Variants in GTF3C3 observed in about 807,000 individuals in gnomAD.
GTF3C3 encodes the protein general transcription factor IIIC subunit 3.
A neutral mutation model predicts 105.2 loss-of-function variants in GTF3C3; 75 were observed. The observed-to-expected ratio is 0.71, with a 90% confidence interval of 0.59 to 0.86. The LOEUF is 0.86. Among genes scored for constraint, GTF3C3 ranks in the 40% least tolerant of loss-of-function variants. The probability of loss-of-function intolerance (pLI) is 0.00; values close to 1 mark genes in which losing one functional copy is unlikely to be tolerated. For missense variants in GTF3C3, 856 were observed against 1,076.5 expected, an observed-to-expected ratio of 0.80 and a Z score of 2.87; for synonymous variants, 335 against 370.4, an observed-to-expected ratio of 0.90 and a Z score of 1.10.
chr2:196,794,416 C>T (rs1355710423), intron 2 of GTF3C3, among the ~76,000 whole-genome samples: 3 of 151,868 alleles, frequency 2.0e-5, no homozygotes, highest in African/African-American at 4.8e-5. Context: ...ATGTTTATAT[C>T]TCTCTATATA....
chr2:196,791,590 C>G lies in GTF3C3; in HGVS notation c.412-130G>C. On this transcript the variant is annotated intron_variant, in intron 3 of 17. Transcript: ENST00000263956. ...TTTAAAAATTTTCAGTTTTTGCAAC[C>G]CAGAACTAAATAGTTGCAATTCTAA... 8.5e-6 allele frequency: 6 copies of G among 704,854 alleles called. No individual in the cohort carries two copies. In the South Asian group the frequency reaches 1.3e-4, roughly 16 times the overall value. The allele number at this position is 704,854 out of a possible 1,614,324, so 43.7% of individuals were successfully genotyped here. A position where few individuals can be genotyped will look rare whatever the true frequency, so the allele number is the denominator to read the frequency against.
chr2:196,780,519 T>A, intron 9 of GTF3C3, 40 bp downstream of exon 9: 2 of 1,588,128 alleles, frequency 1.3e-6, no homozygotes, highest in South Asian at 2.3e-5. Context: ...AGATGGTGCA[T>A]TTGATCTGAA....
intron 8 of GTF3C3, 149 bp from the exon 9 acceptor site, chr2:196,780,811 T>G: frequency 1.1e-6 from 1 of 887,126 alleles, no homozygotes; most frequent in African/African-American, 1.7e-5. Flanking sequence ...CTTATATCTC[T>G]CTCAGTCTGT....
chr2:196,773,678 G>C, intron 13 of GTF3C3: 1 of 432,768 alleles, frequency 2.3e-6, no homozygotes, highest in South Asian at 1.7e-5. Flanking sequence ...CCATAATGTA[G>C]AATCAGTGGG....
rs764235900 is a variant in GTF3C3, at chr2:196,778,921, A to C, written c.1365T>G (p.Leu455=). Residue 455 remains leucine, a synonymous_variant, in exon 10 of 18, where the codon CTT becomes CTG. Transcript: ENST00000263956. The stretch of plus-strand genomic sequence containing the variant: ...CTGCATGACGAAGCCAAACTACTGC[A>C]AGGTTGTATCTTTCAGAGCAAACAA... The part of the protein sequence containing the change: ...SALVCSERYN[L]AVVWLRHAEC... 1.2e-6 allele frequency: 2 copies of C among 1,614,126 alleles called. No individual in the cohort carries two copies. The highest frequency in any genetic ancestry group is 3.3e-4 in the Middle Eastern group (2 of 6,060).
intron 16 of GTF3C3, among the ~76,000 whole-genome samples, chr2:196,768,928 C>CT (rs1381577973): frequency 1.3e-5 from 2 of 152,138 alleles, no homozygotes; most frequent in African/African-American, 4.8e-5. Flanking sequence ...TACTTACTCA[C>CT]TGCTACGTCC....
intron 6 of GTF3C3, among the ~76,000 whole-genome samples, chr2:196,788,681 G>A (rs540354443): frequency 7.0e-4 from 106 of 152,228 alleles, no homozygotes; most frequent in Non-Finnish European, 1.1e-3. Flanking sequence ...TTAAGCCTCT[G>A]AGCACTTGAA....
rs763780307 is a variant in GTF3C3 at position 196,766,524 on chromosome 2, C to CAGAT, written c.2538+37_2538+40dup. 14 of 1,514,642 alleles carry CAGAT rather than the reference C, an allele frequency of 9.2e-6. No homozygotes were observed. In the African/African-American group the frequency reaches 1.9e-4, roughly 21 times the overall value. The allele number at this position is 1,514,642 out of a possible 1,614,324, so 93.8% of individuals were successfully genotyped here. On this transcript the variant is annotated intron_variant, in intron 17 of 17. Coordinates refer to ENST00000263956, the MANE Select transcript of GTF3C3 (RefSeq NM_012086.5). ...TTAGCTAACTGCCCTTATCTACAGA[C>CAGAT]AGATGAAATGAAGTGTCTCAGTTTT...
Position 196,785,579 on chromosome 2 carries a change from A to G in GTF3C3, c.903T>C (p.Tyr301=), listed in dbSNP as rs377314306. The G allele has an allele frequency of 6.3e-7, 1 of 1,598,804 alleles. No individual in the cohort carries two copies. The highest frequency in any genetic ancestry group is 1.1e-5 in the South Asian group (1 of 88,492). ...TAGCAGAAGTAACATCATTGGCTTC[A>G]TAGTAACTCCTAAAAAAAAGTGGCA... ...QLARDMAKSY[Y]EANDVTSAIN... The change falls in exon 7 of 18, where the codon TAT becomes TAC. Residue 301 remains tyrosine (Y), a synonymous_variant. Transcript: ENST00000263956.
chr2:196,780,449 G>A lies in GTF3C3; in HGVS notation c.1218+110C>T, dbSNP rs1377382552. ...TTTGATGCTTATTGTTACCTCCTTG[G>A]TTATTAAGAAATGTGAAACTCTAGG... On this transcript the variant is annotated intron_variant, in intron 9 of 17. Transcript: ENST00000263956. 2.9e-6 allele frequency: 4 copies of A among 1,371,836 alleles called. No individual in the cohort carries two copies. In the African/African-American group the frequency reaches 4.3e-5, roughly 15 times the overall value. 85.0% of individuals were successfully genotyped at this position (1,371,836 alleles called of 1,614,324 possible).
At chr2:196,765,191 T>A (rs1373083854) in intron 17 of GTF3C3, among the ~76,000 whole-genome samples, 1 of 152,130 alleles carries the variant, frequency 6.6e-6, no homozygotes, top group African/African-American at 2.4e-5. Context: ...ATACAACAAA[T>A]TGACTCCAAT....
intron 15 of GTF3C3, among the ~76,000 whole-genome samples, chr2:196,771,192 A>C (rs1411527759): frequency 6.6e-6 from 1 of 152,182 alleles, no homozygotes; most frequent in Non-Finnish European, 1.5e-5. Context: ...TCCTTATTAT[A>C]AATGATTAAT....
intron 15 of GTF3C3, among the ~76,000 whole-genome samples, chr2:196,771,033 T>C (rs963724823): frequency 3.3e-5 from 5 of 152,118 alleles, no homozygotes; most frequent in Admixed American, 1.3e-4. Flanking sequence ...ACACCACCTT[T>C]TAGGTAGTAA....
Position 196,793,100 on chromosome 2 carries a change from C to A in GTF3C3, c.267G>T (p.Met89Ile). The change falls in exon 3 of 18, where the codon ATG becomes ATT. Residue 89 changes from methionine to isoleucine, a missense_variant. Transcript: ENST00000263956. Reference sequence around the variant, plus strand: ...CCTCATCATCTTCATTCTCTCCAAGCATGGAAGCAAAGACCTTGTGAACTG... The same window carrying A: ...CCTCATCATCTTCATTCTCTCCAAGAATGGAAGCAAAGACCTTGTGAACTG... ...RKSVHKVFAS[M>I]LGENEDDEEE... The A allele has an allele frequency of 6.2e-7, 1 of 1,613,848 alleles. No individual in the cohort carries two copies. Among genetic ancestry groups the A allele is most frequent in the South Asian group, 1.1e-5 (1 of 91,064 alleles).
rs772134432 is a variant in GTF3C3, at chr2:196,766,557, C to T, written c.2538+8G>A. On this transcript the variant is annotated splice_region_variant and intron_variant, in intron 17 of 17. Coordinates refer to ENST00000263956, the MANE Select transcript of GTF3C3 (RefSeq NM_012086.5). ...ATGAAGTGTCTCAGTTTTAAAAATG[C>T]ACAATACCTCTACCACAAGTGGAGG... 18 of 1,596,808 alleles carry T rather than the reference C, an allele frequency of 1.1e-5. No homozygotes were observed. Among genetic ancestry groups the T allele is most frequent in the Non-Finnish European group, 1.5e-5 (17 of 1,170,140 alleles).
intron 15 of GTF3C3, 136 bp downstream of exon 15, chr2:196,771,612 C>T (rs1699177402): frequency 1.7e-6 from 1 of 604,124 alleles, no homozygotes; most frequent in African/African-American, 1.8e-5. Flanking sequence ...TTTTAGAGAT[C>T]AAGAAACTGA....
Position 196,764,516 on chromosome 2 carries a change from G to T in GTF3C3, c.*47C>A. 6.4e-7 allele frequency: 1 copy of T among 1,553,498 alleles called. No individual in the cohort carries two copies. The highest frequency in any genetic ancestry group is 8.8e-7 in the Non-Finnish European group (1 of 1,141,256). On this transcript the variant is annotated 3_prime_UTR_variant, in exon 18 of 18. Transcript: ENST00000263956. ...AATAAGCCCTGAGACAGAAGACACT[G>T]GTCCTCACACAGCAGCTGCCATTGC...
chr2:196,768,347 AAG>A (rs1169517224), intron 16 of GTF3C3, among the ~76,000 whole-genome samples: 1 of 152,208 alleles, frequency 6.6e-6, no homozygotes, highest in Non-Finnish European at 1.5e-5. Context: ...TTGAAAAGAA[AAG>A]AGTTCTTTTG....
intron 12 of GTF3C3, among the ~76,000 whole-genome samples, chr2:196,775,604 C>CG (rs1699247336): frequency 2.0e-5 from 3 of 152,178 alleles, no homozygotes; most frequent in African/African-American, 7.2e-5. Flanking sequence ...AGAAAAAAGG[C>CG]AATTCACGTT....
Sources: gnomAD v4.1 joint callset for allele counts (sites outside exome capture counted in the v4.1 genomes callset) on GRCh38, gnomAD v4.1.1 for gene constraint, MANE v1.5 for transcripts, NCBI Gene and HGNC (gene_info 2026-07-23, HGNC 2026-07-21) for gene names.